CACNB4: variants seen among roughly 807,000 people sequenced by gnomAD.
CACNB4 encodes the protein voltage-dependent L-type calcium channel subunit beta-4.
Under a neutral mutation model 71.2 loss-of-function variants are expected in CACNB4, and 32 were observed. The ratio of observed to expected loss-of-function variants is 0.45; its 90% CI spans 0.34 to 0.60. The LOEUF is 0.60. Ranked by LOEUF, CACNB4 falls within the 20% of genes least tolerant of loss-of-function variation. The pLI is 0.01. For synonymous variants in CACNB4, 231 were observed against 236.9 expected, an observed-to-expected ratio of 0.97 and a Z score of 0.23; for missense variants, 464 against 647.9, an observed-to-expected ratio of 0.72 and a Z score of 3.08.
intron 2 of CACNB4, among the ~76,000 whole-genome samples, chr2:152,000,803 G>C (rs1030751136): frequency 6.6e-6 from 1 of 152,094 alleles, no homozygotes; most frequent in Non-Finnish European, 1.5e-5. Context: ...GACCTCTTGG[G>C]CTGGGACAAG....
At chr2:151,859,267 CA>C (rs1431144190) in intron 10 of CACNB4, 1 of 152,236 alleles carries the variant, frequency 6.6e-6, no homozygotes, top group Non-Finnish European at 1.5e-5. Flanking sequence ...ACTCTGACAG[CA>C]GGTGAATGGA....
At chr2:151,925,424 CTG>C (rs1241529299) in intron 2 of CACNB4, among the ~76,000 whole-genome samples, 1 of 152,162 alleles carries the variant, frequency 6.6e-6, no homozygotes, top group Non-Finnish European at 1.5e-5. Flanking sequence ...GCTTTTGAAA[CTG>C]TCTTTCTATG....
intron 10 of CACNB4, chr2:151,857,539 T>C (rs529458981): frequency 2.0e-5 from 3 of 152,252 alleles, no homozygotes; most frequent in African/African-American, 7.2e-5. Context: ...GTTTGGAAAA[T>C]AAAGTCAATT....
intron 2 of CACNB4, among the ~76,000 whole-genome samples, chr2:151,956,054 C>T (rs58002648): frequency 6.6e-6 from 1 of 152,036 alleles, no homozygotes; most frequent in African/African-American, 2.4e-5. Flanking sequence ...ATTGCTTACT[C>T]GTACAAACTG....
intron 12 of CACNB4, among the ~76,000 whole-genome samples, chr2:151,842,320 C>CTTTTT (rs35662354): frequency 7.4e-5 from 5 of 67,708 alleles, no homozygotes; most frequent in African/African-American, 1.4e-4. Context: ...ATATTTGGAT[C>CTTTTT]TTTTTTTTTT....
intron 2 of CACNB4, among the ~76,000 whole-genome samples, chr2:151,936,780 T>G (rs1010645057): frequency 6.6e-6 from 1 of 152,206 alleles, no homozygotes; most frequent in Non-Finnish European, 1.5e-5. Flanking sequence ...GAAAACAAAA[T>G]GCCTATTACA....
chr2:151,864,168 T>C (rs1042294935), intron 9 of CACNB4, among the ~76,000 whole-genome samples: 2 of 152,224 alleles, frequency 1.3e-5, no homozygotes, highest in South Asian at 2.1e-4. Flanking sequence ...TTGTTTGGTA[T>C]ACATCTCTAA....
At chr2:151,853,274 TG>T in intron 12 of CACNB4, 173 bp downstream of exon 12, 2 of 535,292 alleles carry the variant, frequency 3.7e-6, no homozygotes, top group South Asian at 5.0e-5. Context: ...CATCCACATC[TG>T]GATGCCTGAA....
Position 151,883,314 on chromosome 2 carries a change from C to T in CACNB4, c.204G>A (p.Glu68=), listed in dbSNP as rs2099848456. ...RPSDSDVSLE[E]DREAIRQERE... is the part of the protein sequence containing the mutation. ...TCTCCTGTCGAATTGCTTCCCGGTCCTCTTCCAAAGAGACATCGGAGTCAG... is the reference window on the plus strand; with the variant it reads ...TCTCCTGTCGAATTGCTTCCCGGTCTTCTTCCAAAGAGACATCGGAGTCAG... Residue 68 remains glutamate (E), a synonymous_variant, in exon 3 of 14, where the codon GAG becomes GAA. Coordinates refer to ENST00000539935, the MANE Select transcript of CACNB4 (RefSeq NM_000726.5). The T allele has an allele frequency of 6.2e-7, 1 of 1,613,744 alleles. No homozygotes were observed. Among genetic ancestry groups the T allele is most frequent in the Admixed American group, 1.7e-5 (1 of 60,006 alleles).
chr2:151,884,827 C>T (rs2099848936), intron 2 of CACNB4, among the ~76,000 whole-genome samples: 1 of 152,124 alleles, frequency 6.6e-6, no homozygotes, highest in Non-Finnish European at 1.5e-5. Flanking sequence ...TAGATGGTAA[C>T]ATTTACACAG....
At chr2:152,031,106 A>T (rs1353437999) in intron 2 of CACNB4, among the ~76,000 whole-genome samples, 1 of 152,158 alleles carries the variant, frequency 6.6e-6, no homozygotes. Flanking sequence ...TTACAGAGAA[A>T]CTTCCTTCCA....
At chr2:152,075,500 G>C (rs1686960442) in intron 2 of CACNB4, among the ~76,000 whole-genome samples, 1 of 152,200 alleles carries the variant, frequency 6.6e-6, no homozygotes, top group African/African-American at 2.4e-5. Context: ...AAGGAGTTAA[G>C]AGTCACCAGA....
chr2:151,899,486 T>C (rs528816950), intron 2 of CACNB4, among the ~76,000 whole-genome samples: 13 of 152,370 alleles, frequency 8.5e-5, no homozygotes, highest in African/African-American at 3.1e-4. Flanking sequence ...CTCAACATTC[T>C]TGCAGAATCT....
At chr2:152,069,400 T>C (rs1461081933) in intron 2 of CACNB4, among the ~76,000 whole-genome samples, 1 of 152,000 alleles carries the variant, frequency 6.6e-6, no homozygotes, top group Non-Finnish European at 1.5e-5. Context: ...TCCTAGGAAA[T>C]TGATCTTGCA....
At chr2:151,860,571 A>G (rs2099841384) in intron 10 of CACNB4, 140 bp downstream of exon 10, 3 of 681,226 alleles carry the variant, frequency 4.4e-6, no homozygotes, top group East Asian at 2.7e-5. Context: ...CTTCTTGTCC[A>G]TAGCTAGCAT....
chr2:151,860,434 G>A (rs1033783303), intron 10 of CACNB4: 29 of 454,946 alleles, frequency 6.4e-5, no homozygotes, highest in African/African-American at 4.9e-4. Flanking sequence ...GGAGATGACT[G>A]GTTTCATGTA....
chr2:151,903,235 C>G (rs62175712), intron 2 of CACNB4, among the ~76,000 whole-genome samples: 2 of 151,898 alleles, frequency 1.3e-5, no homozygotes, highest in Non-Finnish European at 2.9e-5. Context: ...ACTTTGAGGC[C>G]GGGCATGGTG....
chr2:151,953,640 T>C (rs1578953361), intron 2 of CACNB4, among the ~76,000 whole-genome samples: 1 of 152,130 alleles, frequency 6.6e-6, no homozygotes, highest in Non-Finnish European at 1.5e-5. Flanking sequence ...GTCCAGTTCT[T>C]TTTACAAACA....
chr2:152,054,619 T>C (rs765287072), intron 2 of CACNB4, among the ~76,000 whole-genome samples: 9 of 152,214 alleles, frequency 5.9e-5, no homozygotes, highest in Non-Finnish European at 1.0e-4. Flanking sequence ...GGTCATAAGA[T>C]AACTCTATAC....
Sources: gnomAD v4.1 joint callset for allele counts (sites outside exome capture counted in the v4.1 genomes callset) on GRCh38, gnomAD v4.1.1 for gene constraint, MANE v1.5 for transcripts, NCBI Gene and HGNC (gene_info 2026-07-23, HGNC 2026-07-21) for gene names.